LRMDA: variants seen among roughly 807,000 people sequenced by gnomAD.
LRMDA encodes the protein leucine-rich melanocyte differentiation-associated protein.
Under a neutral mutation model 29.8 loss-of-function variants are expected in LRMDA, and 18 were observed. The observed-to-expected ratio is 0.60, with a 90% CI of 0.42 to 0.90. The LOEUF (loss-of-function observed/expected upper bound fraction) is 0.90. Ranked by LOEUF, LRMDA falls within the 40% of genes least tolerant of loss-of-function variation. The probability of loss-of-function intolerance (pLI) is 0.00; values close to 1 mark genes in which losing one functional copy is unlikely to be tolerated. For missense variants in LRMDA, 273 were observed against 273.9 expected (o/e 1.00, Z 0.02); for synonymous variants, 125 against 109.4 (o/e 1.14, Z -0.89).
At chr10:76,080,947 C>A (rs1311442752) in intron 5 of LRMDA, among the ~76,000 whole-genome samples, 1 of 152,202 alleles carries the variant, frequency 6.6e-6, no homozygotes, top group Non-Finnish European at 1.5e-5. Context: ...GTCTTCACAC[C>A]TTGACACCTC....
chr10:76,544,710 G>GCACACACA (rs71028204), intron 6 of LRMDA, among the ~76,000 whole-genome samples: 4 of 145,300 alleles, frequency 2.8e-5, no homozygotes, highest in East Asian at 2.1e-4. Context: ...ATATATACAT[G>GCACACACA]CACACACACA....
intron 2 of LRMDA, among the ~76,000 whole-genome samples, chr10:75,661,344 G>A (rs1174287050): frequency 6.6e-6 from 1 of 152,218 alleles, no homozygotes; most frequent in Non-Finnish European, 1.5e-5. Context: ...GTGAGTGGGA[G>A]TTTGTACCAG....
Position 75,872,338 on chromosome 10 carries a change from C to G in LRMDA, c.132-163670C>G, listed in dbSNP as rs544345997. 5.3e-5 allele frequency among the ~76,000 whole-genome samples: 8 copies of G among 151,998 alleles called. No homozygotes were observed. The South Asian group carries it at 1.7e-3, about 32-fold the overall frequency. ...ATTTTTGAGACGATGGAATCTCGCT[C>G]TGTAGCCCAGGCTGGAGTGCAGTGG... On this transcript the variant is annotated intron_variant, in intron 2 of 6. Coordinates refer to ENST00000611255, the MANE Select transcript of LRMDA (RefSeq NM_001305581.2).
At chr10:76,486,730 T>G (rs753624834) in intron 6 of LRMDA, among the ~76,000 whole-genome samples, 1 of 151,842 alleles carries the variant, frequency 6.6e-6, no homozygotes, top group Non-Finnish European at 1.5e-5. Context: ...TCCCCACTCT[T>G]TGGACAACAG....
intron 5 of LRMDA, among the ~76,000 whole-genome samples, chr10:76,212,726 A>G (rs759252892): frequency 6.6e-6 from 1 of 152,226 alleles, no homozygotes; most frequent in South Asian, 2.1e-4. Flanking sequence ...TGTGTACTAC[A>G]TTGTGGGGAC....
intron 6 of LRMDA, among the ~76,000 whole-genome samples, chr10:76,340,700 G>T (rs1165365538): frequency 6.6e-6 from 1 of 151,912 alleles, no homozygotes. Flanking sequence ...TTCCATCAAA[G>T]TCTCAGAACA....
At chr10:76,011,496 C>T (rs1018763125) in intron 2 of LRMDA, among the ~76,000 whole-genome samples, 2 of 152,170 alleles carry the variant, frequency 1.3e-5, no homozygotes, top group African/African-American at 4.8e-5. Context: ...GAGTGGGCCA[C>T]CCCCTCCATC....
chr10:76,247,800 T>C lies in LRMDA; in HGVS notation c.517-76601T>C, dbSNP rs116083225. Among the ~76,000 whole-genome samples, 1,071 of 152,294 alleles carry C rather than the reference T, an allele frequency of 7.0e-3. 13 individuals are homozygous for C. The highest frequency in any genetic ancestry group is 0.024 in the African/African-American group (979 of 41,560). On this transcript the variant is annotated intron_variant, in intron 5 of 6. Transcript: ENST00000611255. ...TAGAAAGCATTTGCATGTGGGGTCC[T>C]ACCCTCTTCTTGACACCCTAAGACT...
At chr10:76,185,271 T>C (rs1177372280) in intron 5 of LRMDA, among the ~76,000 whole-genome samples, 2 of 152,162 alleles carry the variant, frequency 1.3e-5, no homozygotes, top group Non-Finnish European at 2.9e-5. Context: ...TGGCTAAACT[T>C]CCTGGTGGGG....
chr10:76,091,933 T>C (rs1849238003), intron 5 of LRMDA, among the ~76,000 whole-genome samples: 1 of 152,196 alleles, frequency 6.6e-6, no homozygotes, highest in African/African-American at 2.4e-5. Context: ...AGGATCCTGG[T>C]GCCTTGGCCT....
intron 5 of LRMDA, among the ~76,000 whole-genome samples, chr10:76,112,637 C>A (rs1259082109): frequency 6.6e-6 from 1 of 152,234 alleles, no homozygotes; most frequent in Non-Finnish European, 1.5e-5. Context: ...GGATTTTCTT[C>A]TGGGCATGTG....
chr10:75,653,274 G>GAAA (rs1841621954), intron 2 of LRMDA, among the ~76,000 whole-genome samples: 1 of 152,196 alleles, frequency 6.6e-6, no homozygotes, highest in Non-Finnish European at 1.5e-5. Flanking sequence ...ATCGTGAAGA[G>GAAA]AAAAACCTGC....
chr10:75,848,739 T>C (rs1844682601), intron 2 of LRMDA, among the ~76,000 whole-genome samples: 1 of 152,090 alleles, frequency 6.6e-6, no homozygotes, highest in South Asian at 2.1e-4. Context: ...CATAGACACT[T>C]CTTAGGGAGG....
At chr10:76,143,524 C>G (rs1165127454) in intron 5 of LRMDA, among the ~76,000 whole-genome samples, 2 of 151,856 alleles carry the variant, frequency 1.3e-5, no homozygotes, top group African/African-American at 4.8e-5. Flanking sequence ...CCTTTGCCCA[C>G]TTTTTGATGG....
At chr10:76,292,252 C>G (rs1840350857) in intron 5 of LRMDA, among the ~76,000 whole-genome samples, 2 of 152,102 alleles carry the variant, frequency 1.3e-5, no homozygotes, top group African/African-American at 2.4e-5. Context: ...ACTTAATTTC[C>G]ATAGTAATCC....
At chr10:76,488,408 T>C (rs1444523698) in intron 6 of LRMDA, among the ~76,000 whole-genome samples, 2 of 151,986 alleles carry the variant, frequency 1.3e-5, no homozygotes, top group South Asian at 2.1e-4. Context: ...TTCTAGACTA[T>C]TATATAAAAA....
At chr10:76,186,678 C>T (rs909640379) in intron 5 of LRMDA, among the ~76,000 whole-genome samples, 3 of 152,166 alleles carry the variant, frequency 2.0e-5, no homozygotes, top group African/African-American at 7.2e-5. Context: ...TTTGTCGGTG[C>T]ACATTTATTG....
intron 6 of LRMDA, among the ~76,000 whole-genome samples, chr10:76,452,536 A>T (rs141670167): frequency 5.4e-4 from 82 of 152,276 alleles, no homozygotes; most frequent in African/African-American, 1.9e-3. Flanking sequence ...AGAACAGAGG[A>T]TGCAGATGGC....
intron 2 of LRMDA, among the ~76,000 whole-genome samples, chr10:75,908,174 A>T: frequency 6.6e-6 from 1 of 152,210 alleles, no homozygotes; most frequent in South Asian, 2.1e-4. Flanking sequence ...TCTTTCCAAA[A>T]GGAAAGCTTT....
Sources: gnomAD v4.1 joint callset for allele counts (sites outside exome capture counted in the v4.1 genomes callset) on GRCh38, gnomAD v4.1.1 for gene constraint, MANE v1.5 for transcripts, NCBI Gene and HGNC (gene_info 2026-07-23, HGNC 2026-07-21) for gene names.